OSBPL5: variants seen among roughly 807,000 people sequenced by gnomAD.
The protein encoded by OSBPL5 is oxysterol-binding protein-related protein 5.
In OSBPL5, 71 loss-of-function variants were observed where a neutral mutation model predicts 111.2. The ratio of observed to expected loss-of-function variants is 0.64; its 90% CI spans 0.53 to 0.78. OSBPL5 has a LOEUF of 0.78. Among genes scored for constraint, OSBPL5 ranks in the 30% least tolerant of loss-of-function variants. OSBPL5 has a pLI of 0.00. For missense variants in OSBPL5, 1,210 were observed against 1,189.3 expected, an observed-to-expected ratio of 1.02 and a Z score of -0.26; for synonymous variants, 549 against 513.9, an observed-to-expected ratio of 1.07 and a Z score of -0.93.
intron 1 of OSBPL5, among the ~76,000 whole-genome samples, chr11:3,131,584 C>CATCT: frequency 7.4e-6 from 1 of 135,118 alleles, no homozygotes; most frequent in Non-Finnish European, 1.6e-5. Flanking sequence ...TCCATCCATC[C>CATCT]ACCCATTCAT....
rs539281628 is a variant in OSBPL5, at chr11:3,130,446, C to T, written c.-21-1277G>A. On this transcript the variant is annotated intron_variant, in intron 1 of 21. Coordinates refer to ENST00000263650, the MANE Select transcript of OSBPL5 (RefSeq NM_020896.4). The surrounding 1 kb of genome is among the most constrained non-coding windows in gnomAD (Gnocchi z 4.5). ...ACACACAGAGACTTTCCTGCTGTGGCTTCAGGAGTGGGCTGGGGGCCCAGG... is the reference window on the plus strand; with the variant it reads ...ACACACAGAGACTTTCCTGCTGTGGTTTCAGGAGTGGGCTGGGGGCCCAGG... Among the ~76,000 whole-genome samples the T allele has an allele frequency of 1.3e-5, 2 of 152,338 alleles. No individual in the cohort carries two copies. The highest frequency in any genetic ancestry group is 3.9e-4 in the East Asian group (2 of 5,184).
chr11:3,095,402 G>A (rs10833221), intron 14 of OSBPL5, among the ~76,000 whole-genome samples: 34,256 of 152,010 alleles, frequency 0.23, 4,116 homozygotes, highest in Non-Finnish European at 0.25. Context: ...TCCTAGTGAA[G>A]GGAACCTGGA....
At chr11:3,133,297 G>T (rs181477699) in intron 1 of OSBPL5, among the ~76,000 whole-genome samples, 14 of 152,372 alleles carry the variant, frequency 9.2e-5, no homozygotes, top group African/African-American at 3.4e-4. Flanking sequence ...CCCCCCATGA[G>T]GGGAGGGAGA....
At chr11:3,091,538 G>A (rs1433663416) in intron 19 of OSBPL5, among the ~76,000 whole-genome samples, 1 of 152,130 alleles carries the variant, frequency 6.6e-6, no homozygotes, top group Non-Finnish European at 1.5e-5. Flanking sequence ...GTGGACATCT[G>A]CTGGAGATTG....
chr11:3,151,684 G>A (rs11025639), intron 1 of OSBPL5, among the ~76,000 whole-genome samples: 49,861 of 152,176 alleles, frequency 0.33, 8,841 homozygotes, highest in Non-Finnish European at 0.38. Flanking sequence ...CTGTCCTGGC[G>A]TTAATCCAAA....
At chr11:3,151,572 A>G (rs970925580) in intron 1 of OSBPL5, among the ~76,000 whole-genome samples, 9 of 152,126 alleles carry the variant, frequency 5.9e-5, no homozygotes, top group African/African-American at 2.2e-4. Context: ...CCTTTTTCCC[A>G]TGAAAAGCCA....
intron 1 of OSBPL5, among the ~76,000 whole-genome samples, chr11:3,134,841 G>T (rs1241589480): frequency 6.6e-6 from 1 of 150,802 alleles, no homozygotes; most frequent in African/African-American, 2.4e-5. Context: ...AGGGGCTGAG[G>T]GTGGGGGAGG....
chr11:3,144,808 G>C (rs1432697401), intron 1 of OSBPL5, among the ~76,000 whole-genome samples: 1 of 152,230 alleles, frequency 6.6e-6, no homozygotes, highest in Non-Finnish European at 1.5e-5. Context: ...TCAGGCCTGG[G>C]GCCAGGGCAG....
rs1199276436 is a variant in OSBPL5, at chr11:3,094,222, TGCA to T, written c.1719+12_1719+14del. The T allele has an allele frequency of 6.2e-7, 1 of 1,611,840 alleles. No individual in the cohort carries two copies. Among genetic ancestry groups the T allele is most frequent in the African/African-American group, 1.3e-5 (1 of 75,024 alleles). ...TTCCCTGGCCTCGTCTCCCCCAGGC[TGCA>T]GCCAGCGCTACCTTGAGTTTGAATT... On this transcript the variant is annotated intron_variant, in intron 15 of 21. Coordinates refer to ENST00000263650, the MANE Select transcript of OSBPL5 (RefSeq NM_020896.4).
In OSBPL5 at chr11:3,127,089, C is replaced by T. The variant is rs143944655; in HGVS notation, c.137-534G>A. Among the ~76,000 whole-genome samples, 1,478 of 152,256 alleles carry T rather than the reference C, an allele frequency of 9.7e-3. 13 individuals are homozygous for T. Among genetic ancestry groups the T allele is most frequent in the Non-Finnish European group, 0.017 (1,150 of 68,014 alleles). On this transcript the variant is annotated intron_variant, in intron 2 of 21. Coordinates refer to ENST00000263650, the MANE Select transcript of OSBPL5 (RefSeq NM_020896.4). ...GAGACCTGAGGTGTCTGCGTTTGCTCCTTTGGGAAATGGCCTCCCCTCCCC... is the reference window on the plus strand; with the variant it reads ...GAGACCTGAGGTGTCTGCGTTTGCTTCTTTGGGAAATGGCCTCCCCTCCCC...
At chr11:3,157,340 C>T (rs1846803471) in intron 1 of OSBPL5, among the ~76,000 whole-genome samples, 1 of 152,152 alleles carries the variant, frequency 6.6e-6, no homozygotes, top group South Asian at 2.1e-4. Context: ...CCTGGACTTA[C>T]GAGAGGTCAC....
rs1183658386 is a variant in OSBPL5, at chr11:3,087,383, T to G, written c.*822A>C. ...GGCTGACTGCAGCTCGCAGCCCACC[T>G]AAAATATTGCAATTATGTTTATTAA... is the stretch of plus-strand genomic sequence containing the variant. On this transcript the variant is annotated 3_prime_UTR_variant, in exon 22 of 22. Transcript: ENST00000263650. The G allele has an allele frequency of 6.5e-6, 1 of 154,746 alleles. No individual in the cohort carries two copies. The highest frequency in any genetic ancestry group is 2.4e-5 in the African/African-American group (1 of 41,520). The allele number at this position is 154,746 out of a possible 1,614,324, so 9.6% of individuals were successfully genotyped here. A position where few individuals can be genotyped will look rare whatever the true frequency, so the allele number is the denominator to read the frequency against.
At chr11:3,096,092 T>C (rs1235166597) in intron 14 of OSBPL5, among the ~76,000 whole-genome samples, 1 of 152,098 alleles carries the variant, frequency 6.6e-6, no homozygotes. Flanking sequence ...AGTAATACTC[T>C]GCAAGGGAAA....
Position 3,104,114 on chromosome 11 carries a change from G to C in OSBPL5, c.1244+79C>G, listed in dbSNP as rs1857613205. The stretch of plus-strand genomic sequence containing the variant: ...ATTCTCTGGAAGCCCCCACAGGGCA[G>C]GTAGGGGCTGGGGGTGCTGCAGGGT... On this transcript the variant is annotated intron_variant, in intron 10 of 21. Coordinates refer to ENST00000263650, the MANE Select transcript of OSBPL5 (RefSeq NM_020896.4). The surrounding 1 kb of genome is among the most constrained non-coding windows in gnomAD (Gnocchi z 5.0). 6 of 1,454,002 alleles carry C rather than the reference G, an allele frequency of 4.1e-6. No individual in the cohort carries two copies. In the Admixed American group the frequency reaches 7.8e-5, roughly 19 times the overall value. 90.1% of individuals were successfully genotyped at this position (1,454,002 alleles called of 1,614,324 possible).
intron 1 of OSBPL5, among the ~76,000 whole-genome samples, chr11:3,153,676 A>T (rs1846660015): frequency 6.6e-6 from 1 of 152,150 alleles, no homozygotes; most frequent in African/African-American, 2.4e-5. Flanking sequence ...AAAATAATGA[A>T]CAGGGCGGGA....
chr11:3,093,723 T>C, intron 16 of OSBPL5, 23 bp downstream of exon 16: 4 of 1,612,696 alleles, frequency 2.5e-6, no homozygotes, highest in Non-Finnish European at 3.4e-6. Context: ...CGGCCGTGCC[T>C]GCCCTGAGGG....
At chr11:3,128,051 G>A (rs539470912) in intron 2 of OSBPL5, among the ~76,000 whole-genome samples, 1 of 152,230 alleles carries the variant, frequency 6.6e-6, no homozygotes, top group South Asian at 2.1e-4. Context: ...GAGAATAAAA[G>A]GTGTAGGATT....
chr11:3,147,682 G>A (rs1379884138), intron 1 of OSBPL5, among the ~76,000 whole-genome samples: 1 of 152,224 alleles, frequency 6.6e-6, no homozygotes, highest in Non-Finnish European at 1.5e-5. Context: ...TGCTGGAAGA[G>A]AGGCGGACGG....
intron 5 of OSBPL5, 93 bp from the exon 6 acceptor site, chr11:3,120,717 G>T: frequency 7.0e-7 from 1 of 1,436,256 alleles, no homozygotes; most frequent in Non-Finnish European, 9.4e-7. Context: ...GCACAGACCA[G>T]GGTGGGCTGC....
Sources: gnomAD v4.1 joint callset for allele counts (sites outside exome capture counted in the v4.1 genomes callset) on GRCh38, gnomAD v4.1.1 for gene constraint, Gnocchi (gnomAD v3.1) non-coding constraint, MANE v1.5 for transcripts, NCBI Gene and HGNC (gene_info 2026-07-23, HGNC 2026-07-21) for gene names.